SNRPA1: variants seen among roughly 807,000 people sequenced by gnomAD.
SNRPA1 encodes small nuclear ribonucleoprotein polypeptide A'.
A neutral mutation model predicts 32.3 loss-of-function variants in SNRPA1; 5 were observed. The observed-to-expected ratio is 0.15, with a 90% CI of 0.08 to 0.33. The LOEUF is 0.33. Among genes scored for constraint, SNRPA1 ranks in the 10% least tolerant of loss-of-function variants. The pLI is 1.00. For synonymous variants in SNRPA1, 111 were observed against 120.1 expected (o/e 0.92, Z 0.50); for missense variants, 198 against 311.1 (o/e 0.64, Z 2.74).
At chr15:101,293,695 G>A (rs1327351840) in intron 1 of SNRPA1, among the ~76,000 whole-genome samples, 1 of 152,128 alleles carries the variant, frequency 6.6e-6, no homozygotes, top group Non-Finnish European at 1.5e-5. Context: ...CAGAATTGAA[G>A]ATCAATGGTT....
intron 3 of SNRPA1, chr15:101,287,929 G>C: frequency 2.1e-6 from 1 of 476,662 alleles, no homozygotes; most frequent in Admixed American, 3.4e-5. Context: ...CTCAATAGCA[G>C]GAGATAAGAA....
Position 101,285,217 on chromosome 15 carries a change from A to G in SNRPA1, c.616-157T>C, listed in dbSNP as rs139963528. 1.2e-3 allele frequency: 693 copies of G among 564,662 alleles called. 1 individual carries two copies. Among genetic ancestry groups the G allele is most frequent in the Middle Eastern group, 5.1e-3 (19 of 3,704 alleles). 35.0% of individuals were successfully genotyped at this position (564,662 alleles called of 1,614,324 possible). On this transcript the variant is annotated intron_variant, in intron 7 of 8. Coordinates refer to ENST00000254193, the MANE Select transcript of SNRPA1 (RefSeq NM_003090.4). ...AGGGGGAAGAATGTTATTGGCCCAC[A>G]AAAATAAAACTAGAAGCCAAACCAC...
At chr15:101,284,507 C>CATTT (rs112337387) in intron 8 of SNRPA1, among the ~76,000 whole-genome samples, 1 of 142,678 alleles carries the variant, frequency 7.0e-6, no homozygotes, top group Non-Finnish European at 1.5e-5. Context: ...CATGAAATAC[C>CATTT]TTTTTTTTTT....
rs575531459 is a variant in SNRPA1 at position 101,289,382 on chromosome 15, ATG to A, written c.310-1682_310-1681del. Among the ~76,000 whole-genome samples the A allele has an allele frequency of 1.2e-3, 177 of 152,310 alleles. 2 individuals are homozygous for A. The highest frequency in any genetic ancestry group is 3.6e-3 in the African/African-American group (149 of 41,580). The stretch of plus-strand genomic sequence containing the variant: ...CATTTAATTTTAAACTTTTATAAAT[ATG>A]TGTGTTTTAATTCCTACGATGCTAA... On this transcript the variant is annotated intron_variant, in intron 3 of 8. Transcript: ENST00000254193.
intron 1 of SNRPA1, chr15:101,293,533 T>G (rs535922319): frequency 6.3e-6 from 1 of 157,996 alleles, no homozygotes; most frequent in Non-Finnish European, 1.4e-5. Context: ...AGTTTACACT[T>G]GGAGCTGCTT....
Position 101,295,175 on chromosome 15 carries a change from C to T in SNRPA1, c.4G>A (p.Val2Ile). 6.4e-7 allele frequency: 1 copy of T among 1,552,454 alleles called. No individual in the cohort carries two copies. The highest frequency in any genetic ancestry group is 8.7e-7 in the Non-Finnish European group (1 of 1,153,614). The change falls in exon 1 of 9, where the codon GTC becomes ATC. Residue 2 changes from valine to isoleucine, a missense_variant. Physicochemically the swap from Val to Ile is conservative, Grantham distance 29. Coordinates refer to ENST00000254193, the MANE Select transcript of SNRPA1 (RefSeq NM_003090.4). M[V>I]KLTAELIEQA... is the part of the protein sequence containing the mutation. ...TCGATCAGCTCCGCCGTCAGCTTGA[C>T]CATCCTGCAGCCTCCCGTTCCCCCG...
chr15:101,286,256 C>A lies in SNRPA1; in HGVS notation c.497G>T (p.Arg166Leu), dbSNP rs2141307752. ...QEAEKMFKGK[R>L]GAQLAKDIAR... Reference sequence around the variant, plus strand: ...AATATCCTTTGCAAGCTGTGCACCCCGTTTGCCCTTGAACATTTTCTCTGC... The same window carrying A: ...AATATCCTTTGCAAGCTGTGCACCCAGTTTGCCCTTGAACATTTTCTCTGC... Residue 166 changes from arginine (R) to leucine (L), a missense_variant, in exon 6 of 9, where the codon CGG (arginine) becomes CTG (leucine). Physicochemically the swap from Arg to Leu is moderately radical, Grantham distance 102. This residue lies in a region of SNRPA1 where 77 missense variants were observed against 120.1 expected (regional missense o/e 0.64). Transcript: ENST00000254193. 6.2e-7 allele frequency: 1 copy of A among 1,614,192 alleles called. No homozygotes were observed. Among genetic ancestry groups the A allele is most frequent in the Non-Finnish European group, 8.5e-7 (1 of 1,180,008 alleles).
intron 1 of SNRPA1, 77 bp downstream of exon 1, chr15:101,295,020 G>A (rs1220640985): frequency 3.7e-5 from 36 of 976,724 alleles, no homozygotes; most frequent in South Asian, 1.1e-4. Flanking sequence ...TCCGGCCTTC[G>A]GTGCACGCGG....
Position 101,285,738 on chromosome 15 carries a change from T to C in SNRPA1, c.603A>G (p.Val201=), listed in dbSNP as rs1466599822. 7 of 1,612,966 alleles carry C rather than the reference T, an allele frequency of 4.3e-6. No individual in the cohort carries two copies. The highest frequency in any genetic ancestry group is 5.9e-6 in the Non-Finnish European group (7 of 1,179,030). ...AACACATGATTACCTTGATTGCTTC[T>C]ACATCCCCTGGAGATGGCCCACCTT... is the stretch of plus-strand genomic sequence containing the variant. ...KKKGGPSPGD[V]EAIKNAIANA... The change falls in exon 7 of 9, where the codon GTA becomes GTG. Residue 201 remains valine, a synonymous_variant. Transcript: ENST00000254193.
chr15:101,282,214 C>T lies in SNRPA1; in HGVS notation c.710-432G>A, dbSNP rs564274189. Reference sequence around the variant, plus strand: ...ATTAGGGAAATATGCCAACAACTACCAAAAAATGTTACATTTGTTCAACAA... The same window carrying T: ...ATTAGGGAAATATGCCAACAACTACTAAAAAATGTTACATTTGTTCAACAA... On this transcript the variant is annotated intron_variant, in intron 8 of 8. Coordinates refer to ENST00000254193, the MANE Select transcript of SNRPA1 (RefSeq NM_003090.4). 1.6e-4 allele frequency among the ~76,000 whole-genome samples: 24 copies of T among 152,254 alleles called. No homozygotes were observed. The South Asian group carries it at 4.6e-3, about 29-fold the overall frequency.
chr15:101,283,600 T>A (rs749162001), intron 8 of SNRPA1, among the ~76,000 whole-genome samples: 6 of 151,994 alleles, frequency 3.9e-5, no homozygotes, highest in Non-Finnish European at 7.4e-5. Flanking sequence ...GTCTTCACCT[T>A]ACAGACTCCC....
intron 3 of SNRPA1, among the ~76,000 whole-genome samples, chr15:101,289,587 G>A (rs945302720): frequency 3.3e-5 from 5 of 152,060 alleles, no homozygotes; most frequent in African/African-American, 1.2e-4. Flanking sequence ...AATGTAAACA[G>A]ACTAAATATA....
At position 101,295,220 on chromosome 15, in the gene SNRPA1, C is replaced by A. The variant is rs750341770; in HGVS notation, c.-42G>T. 56 of 1,478,192 alleles carry A rather than the reference C, an allele frequency of 3.8e-5. No homozygotes were observed. The African/African-American group carries it at 8.1e-4, about 21-fold the overall frequency. The allele number at this position is 1,478,192 out of a possible 1,614,324, so 91.6% of individuals were successfully genotyped here. On this transcript the variant is annotated 5_prime_UTR_variant, in exon 1 of 9. Coordinates refer to ENST00000254193, the MANE Select transcript of SNRPA1 (RefSeq NM_003090.4). ...CCCCCGCGCTGTGGAAAGCCCGTGG[C>A]CTCCCGCCAGCGAGACGTCCCAGCG...
chr15:101,287,087 G>C, intron 4 of SNRPA1, 77 bp from the exon 5 acceptor site: 2 of 660,772 alleles, frequency 3.0e-6, no homozygotes, highest in Non-Finnish European at 5.3e-6. Flanking sequence ...ATAGTCTAAG[G>C]AACCTATAAA....
chr15:101,284,919 T>C, intron 8 of SNRPA1, 48 bp downstream of exon 8: 1 of 1,410,834 alleles, frequency 7.1e-7, no homozygotes. Context: ...TGAGTTACAC[T>C]CTGAGTGTAA....
Position 101,286,906 on chromosome 15 carries a change from A to G in SNRPA1, c.459+2T>C, listed in dbSNP as rs2039461019. 6.7e-7 allele frequency: 1 copy of G among 1,484,496 alleles called. No homozygotes were observed. Among genetic ancestry groups the G allele is most frequent in the Admixed American group, 1.7e-5 (1 of 58,950 alleles). 92.0% of individuals were successfully genotyped at this position (1,484,496 alleles called of 1,614,324 possible). On this transcript the variant is annotated splice_donor_variant, in intron 5 of 8. Transcript: ENST00000254193. LOFTEE classifies it high-confidence loss of function. ...GCTCACAAGCAACAGATTACTACTT[A>G]CTTTTAGTTTCACTTTCTGGAAATC...
intron 3 of SNRPA1, among the ~76,000 whole-genome samples, chr15:101,290,213 G>A (rs945113941): frequency 6.6e-5 from 10 of 152,060 alleles, no homozygotes; most frequent in Admixed American, 6.5e-5. Context: ...AACTAAAATC[G>A]ACAGAACTTC....
chr15:101,294,581 G>A (rs1427810608), intron 1 of SNRPA1, among the ~76,000 whole-genome samples: 1 of 152,130 alleles, frequency 6.6e-6, no homozygotes, highest in East Asian at 1.9e-4. Context: ...TTCATATAGG[G>A]GAAACGCCAG....
At chr15:101,284,295 T>C (rs2039429968) in intron 8 of SNRPA1, among the ~76,000 whole-genome samples, 1 of 152,218 alleles carries the variant, frequency 6.6e-6, no homozygotes, top group Admixed American at 6.5e-5. Flanking sequence ...AAGGCAGAGC[T>C]GGTGAAGCTG....
Sources: allele counts gnomAD v4.1 joint callset (sites outside exome capture counted in the v4.1 genomes callset), GRCh38; gene constraint gnomAD v4.1.1; regional missense constraint gnomAD v4.1.1; transcripts MANE v1.5; gene names NCBI Gene and HGNC (gene_info 2026-07-23, HGNC 2026-07-21).